Variants in SLC35F3 observed in about 807,000 individuals in gnomAD.
The protein encoded by SLC35F3 is putative thiamine transporter SLC35F3.
Under a neutral mutation model 49.9 loss-of-function variants are expected in SLC35F3, and 25 were observed. The ratio of observed to expected loss-of-function variants is 0.50; its 90% CI spans 0.37 to 0.70. The LOEUF (loss-of-function observed/expected upper bound fraction) is 0.70, where lower values mean the gene tolerates loss of function less well. SLC35F3 is among the 30% of genes least tolerant of loss of function. The pLI, the probability that SLC35F3 is intolerant of heterozygous loss-of-function variation, is 0.00. For missense variants in SLC35F3, 525 were observed against 639.8 expected (o/e 0.82, Z 1.94); for synonymous variants, 275 against 265.4 (o/e 1.04, Z -0.35).
At chr1:234,086,735 A>G (rs1206308371) in intron 2 of SLC35F3, among the ~76,000 whole-genome samples, 1 of 152,138 alleles carries the variant, frequency 6.6e-6, no homozygotes, top group Non-Finnish European at 1.5e-5. Flanking sequence ...GTTGCTAGAA[A>G]ATCTCCTCAC....
intron 2 of SLC35F3, among the ~76,000 whole-genome samples, chr1:233,942,304 G>A (rs1211923839): frequency 2.0e-5 from 3 of 151,780 alleles, no homozygotes; most frequent in African/African-American, 7.3e-5. Flanking sequence ...TGACAAAATA[G>A]GGAATGCCAG....
chr1:234,176,235 T>G lies in SLC35F3; in HGVS notation c.284-55182T>G, dbSNP rs1052999592. On this transcript the variant is annotated intron_variant, in intron 2 of 7. Coordinates refer to ENST00000366618, the MANE Select transcript of SLC35F3 (RefSeq NM_173508.4). The stretch of plus-strand genomic sequence containing the variant: ...GCTGCACTTGGCAGCTCCCCATTCT[T>G]ACCCAAAGAGGAAGAATCACACAGC... Among the ~76,000 whole-genome samples, 3 of 152,178 alleles carry G rather than the reference T, an allele frequency of 2.0e-5. No homozygotes were observed. The East Asian group carries it at 5.8e-4, about 29-fold the overall frequency.
intron 2 of SLC35F3, among the ~76,000 whole-genome samples, chr1:234,206,082 A>G (rs1666965858): frequency 1.3e-5 from 2 of 152,120 alleles, no homozygotes; most frequent in Non-Finnish European, 2.9e-5. Flanking sequence ...GAGCTAGGAA[A>G]TGCGGAGAGG....
chr1:234,013,296 C>G (rs1243069401), intron 2 of SLC35F3, among the ~76,000 whole-genome samples: 2 of 151,874 alleles, frequency 1.3e-5, no homozygotes, highest in African/African-American at 4.8e-5. Context: ...ATTAAAATAG[C>G]AAAAACAACC....
At chr1:233,991,684 C>CT (rs896779091) in intron 2 of SLC35F3, among the ~76,000 whole-genome samples, 2 of 152,118 alleles carry the variant, frequency 1.3e-5, no homozygotes, top group African/African-American at 4.8e-5. Flanking sequence ...ATTAGTGTCT[C>CT]TTTTTTGTTC....
chr1:234,190,102 A>G (rs1024645564), intron 2 of SLC35F3, among the ~76,000 whole-genome samples: 1 of 152,216 alleles, frequency 6.6e-6, no homozygotes, highest in Non-Finnish European at 1.5e-5. Flanking sequence ...AAACACACCA[A>G]AACAGAACCT....
At position 233,910,622 on chromosome 1, in the gene SLC35F3, C is replaced by T. The variant is rs530631988; in HGVS notation, c.283+4864C>T. Among the ~76,000 whole-genome samples the T allele has an allele frequency of 5.3e-5, 8 of 152,270 alleles. No homozygotes were observed. The South Asian group carries it at 6.2e-4, about 12-fold the overall frequency. ...AGGGTGGGCAGGATGTTTCCCTTTC[C>T]GAAAGGTTTCCCTAAAGGATGTTTT... On this transcript the variant is annotated intron_variant, in intron 2 of 7. Transcript: ENST00000366618.
chr1:234,256,191 G>A (rs1667819540), intron 3 of SLC35F3, among the ~76,000 whole-genome samples: 1 of 152,092 alleles, frequency 6.6e-6, no homozygotes, highest in African/African-American at 2.4e-5. Flanking sequence ...ATGGTGAAAA[G>A]CATTTTCAAA....
chr1:234,175,805 T>C (rs1171704357), intron 2 of SLC35F3, among the ~76,000 whole-genome samples: 1 of 152,048 alleles, frequency 6.6e-6, no homozygotes, highest in Non-Finnish European at 1.5e-5. Context: ...GTGGAGCAGC[T>C]CTCAGAGCCA....
chr1:234,081,325 C>G (rs1196955912), intron 2 of SLC35F3, among the ~76,000 whole-genome samples: 1 of 152,234 alleles, frequency 6.6e-6, no homozygotes, highest in East Asian at 1.9e-4. Context: ...AAGCATGTTT[C>G]ATCTTCGAAT....
intron 2 of SLC35F3, among the ~76,000 whole-genome samples, chr1:233,948,220 GGAGAGAGGGAGA>G (rs1266946169): frequency 0.019 from 2,269 of 122,326 alleles, 53 homozygotes; most frequent in African/African-American, 0.06. Flanking sequence ...AGGGAGAGAG[GGAGAGAGGGAGA>G]GAGAGAGAGA....
At chr1:233,938,019 A>AC (rs1185155885) in intron 2 of SLC35F3, among the ~76,000 whole-genome samples, 1 of 152,152 alleles carries the variant, frequency 6.6e-6, no homozygotes, top group Non-Finnish European at 1.5e-5. Context: ...ATTATAGGTG[A>AC]CAGAAGACAG....
At chr1:234,108,737 CTTTTATATATAAAAGAT>C (rs1665346937) in intron 2 of SLC35F3, among the ~76,000 whole-genome samples, 2 of 35,490 alleles carry the variant, frequency 5.6e-5, no homozygotes, top group South Asian at 2.9e-3. Flanking sequence ...ATATATATAT[CTTTTATATATAAAAGAT>C]ATATATAAAT....
At chr1:233,911,647 G>T (rs542636759) in intron 2 of SLC35F3, among the ~76,000 whole-genome samples, 2 of 152,318 alleles carry the variant, frequency 1.3e-5, no homozygotes, top group East Asian at 3.9e-4. Flanking sequence ...GAAATCCCTC[G>T]TGCCTATTAA....
chr1:234,198,236 A>G (rs1055800355), intron 2 of SLC35F3, among the ~76,000 whole-genome samples: 1 of 152,226 alleles, frequency 6.6e-6, no homozygotes, highest in African/African-American at 2.4e-5. Flanking sequence ...TATATGGATT[A>G]TGTACAGTAT....
In SLC35F3 at chr1:234,309,272, G is replaced by A; in HGVS notation, c.780G>A (p.Val260=). 1 of 1,614,226 alleles carries A rather than the reference G, an allele frequency of 6.2e-7. No individual in the cohort carries two copies. Among genetic ancestry groups the A allele is most frequent in the Non-Finnish European group, 8.5e-7 (1 of 1,180,048 alleles). Residue 260 remains valine, a synonymous_variant, in exon 4 of 8, where the codon GTG becomes GTA. Transcript: ENST00000366618. ...SVLFCCNKAF[V]FLLSWIVLRD... is the part of the protein sequence containing the mutation. ...TGTTCTGCTGCAACAAAGCTTTTGT[G>A]TTCTTGCTCTCATGGATCGTTCTCA...
chr1:234,115,637 A>T (rs1261678102), intron 2 of SLC35F3, among the ~76,000 whole-genome samples: 1 of 152,234 alleles, frequency 6.6e-6, no homozygotes, highest in Non-Finnish European at 1.5e-5. Flanking sequence ...AAATAGTAAA[A>T]GAATTTCCAT....
At chr1:234,150,686 G>A (rs1036942389) in intron 2 of SLC35F3, among the ~76,000 whole-genome samples, 2 of 152,084 alleles carry the variant, frequency 1.3e-5, no homozygotes, top group Non-Finnish European at 2.9e-5. Context: ...AGGCAGTGTC[G>A]TTTTTCCATT....
chr1:233,996,548 G>A (rs1663464737), intron 2 of SLC35F3, among the ~76,000 whole-genome samples: 1 of 151,952 alleles, frequency 6.6e-6, no homozygotes, highest in Non-Finnish European at 1.5e-5. Context: ...GACTTGGGGG[G>A]AATTTGTGGG....
Sources: gnomAD v4.1 joint callset for allele counts (sites outside exome capture counted in the v4.1 genomes callset) on GRCh38, gnomAD v4.1.1 for gene constraint, MANE v1.5 for transcripts, NCBI Gene and HGNC (gene_info 2026-07-23, HGNC 2026-07-21) for gene names.